Variants in AK8 observed in about 807,000 individuals in gnomAD.
AK8 encodes the protein ATP-AMP transphosphorylase 8.
AK8 carries 44 observed loss-of-function variants against 54.6 expected under a neutral mutation model. The ratio of observed to expected loss-of-function variants is 0.81; its 90% confidence interval spans 0.63 to 1.04. The LOEUF is 1.04. Ranked by LOEUF, AK8 falls within the 50% of genes least tolerant of loss-of-function variation. The probability of loss-of-function intolerance (pLI) is 0.00; values close to 1 mark genes in which losing one functional copy is unlikely to be tolerated. For missense variants in AK8, 555 were observed against 613.6 expected, an observed-to-expected ratio of 0.90 and a Z score of 1.01; for synonymous variants, 239 against 245.6, an observed-to-expected ratio of 0.97 and a Z score of 0.25.
intron 10 of AK8, among the ~76,000 whole-genome samples, chr9:132,797,654 C>A (rs1239944408): frequency 2.0e-5 from 3 of 152,198 alleles, no homozygotes; most frequent in African/African-American, 7.2e-5. Context: ...CCCACAGGTT[C>A]ATTATTCTAT....
chr9:132,752,085 A>G (rs1837954305), intron 11 of AK8, among the ~76,000 whole-genome samples: 1 of 151,606 alleles, frequency 6.6e-6, no homozygotes, highest in Admixed American at 6.6e-5. Context: ...CAAATGATCC[A>G]CGCGCCTCGA....
chr9:132,878,814 G>A, upstream of AK8: 1 of 978,040 alleles, frequency 1.0e-6, no homozygotes, highest in Non-Finnish European at 1.2e-6. This position sits in a 1 kb window ranked among gnomAD's most constrained non-coding sequence, Gnocchi z 4.7. Context: ...TGGCCAAGCC[G>A]CCAAGTGACC....
chr9:132,823,312 TG>T lies in AK8; in HGVS notation c.781del (p.His261IlefsTer43). The T allele has an allele frequency of 6.2e-7, 1 of 1,613,968 alleles. No individual in the cohort carries two copies. Among genetic ancestry groups the T allele is most frequent in the African/African-American group, 1.3e-5 (1 of 75,046 alleles). On this transcript the variant is annotated frameshift_variant, in exon 9 of 13. Coordinates refer to ENST00000298545, the MANE Select transcript of AK8 (RefSeq NM_152572.3). LOFTEE classifies it high-confidence loss of function. ...CGGGGTGAACGGGGCATTAGTACGA[TG>T]GTTGCTTTGGACATAGGTCAGAGCT... ...YQALTYVQSN[H>X]RTNAPFTPRV... is the part of the protein sequence containing the mutation.
At position 132,725,694 on chromosome 9, in the gene AK8, GA is replaced by G; in HGVS notation, c.1433del (p.Ile478ThrfsTer34). 6.4e-7 allele frequency: 1 copy of G among 1,573,554 alleles called. No homozygotes were observed. Among genetic ancestry groups the G allele is most frequent in the Non-Finnish European group, 8.6e-7 (1 of 1,156,336 alleles). ...GCTCCTGGCTCTGAACCCATCAGGG[GA>G]TTTTCTTGGGCAGGGGATTAATGAT... ...SGIINPLPKK[I>X]P On this transcript the variant is annotated frameshift_variant, in exon 13 of 13. Transcript: ENST00000298545. LOFTEE classifies it high-confidence loss of function.
intron 5 of AK8, among the ~76,000 whole-genome samples, chr9:132,852,046 C>A (rs1374728738): frequency 6.6e-6 from 1 of 152,098 alleles, no homozygotes; most frequent in Non-Finnish European, 1.5e-5. Context: ...TCAGCAAAGA[C>A]ACAGAAGGCA....
chr9:132,822,517 A>G (rs1296346711), intron 9 of AK8, among the ~76,000 whole-genome samples: 1 of 151,952 alleles, frequency 6.6e-6, no homozygotes, highest in East Asian at 1.9e-4. Flanking sequence ...GAGGCTACTT[A>G]GGTTTGTGGA....
At chr9:132,769,979 T>C (rs1480450785) in intron 11 of AK8, 2 of 152,180 alleles carry the variant, frequency 1.3e-5, no homozygotes, top group African/African-American at 4.8e-5. Context: ...CCATTAGTCT[T>C]ACAAGGCTAA....
At chr9:132,749,154 G>T (rs375035080) in intron 11 of AK8, among the ~76,000 whole-genome samples, 2 of 152,074 alleles carry the variant, frequency 1.3e-5, no homozygotes, top group African/African-American at 4.8e-5. Flanking sequence ...GATTACCGGC[G>T]TGAGCCACTG....
Position 132,790,695 on chromosome 9 carries a change from A to G in AK8, c.1121+1939T>C, listed in dbSNP as rs751924385. 2.0e-5 allele frequency among the ~76,000 whole-genome samples: 3 copies of G among 152,184 alleles called. No individual in the cohort carries two copies. Among genetic ancestry groups the G allele is most frequent in the Admixed American group, 6.5e-5 (1 of 15,286 alleles). ...CCTGTTCTGAAAGTACCGCCCAACA[A>G]GAGTAAAATGAAAAGTATAAATATT... On this transcript the variant is annotated intron_variant, in intron 11 of 12. Coordinates refer to ENST00000298545, the MANE Select transcript of AK8 (RefSeq NM_152572.3). The surrounding 1 kb of genome is among the most constrained non-coding windows in gnomAD (Gnocchi z 4.1).
intron 11 of AK8, among the ~76,000 whole-genome samples, chr9:132,766,637 GA>G (rs558196057): frequency 8.7e-4 from 128 of 146,590 alleles, no homozygotes; most frequent in African/African-American, 2.7e-3. Context: ...CACAGAAATA[GA>G]AAAAAAAAAC....
At chr9:132,804,373 T>C (rs746123605) in intron 10 of AK8, among the ~76,000 whole-genome samples, 2 of 152,128 alleles carry the variant, frequency 1.3e-5, no homozygotes, top group Non-Finnish European at 2.9e-5. Flanking sequence ...AGGGGGATCC[T>C]GGGGTAGGGA....
chr9:132,820,927 T>C (rs1841568845), intron 9 of AK8, among the ~76,000 whole-genome samples: 1 of 152,180 alleles, frequency 6.6e-6, no homozygotes, highest in African/African-American at 2.4e-5. Context: ...TCTCATGACA[T>C]CTTGTATTTA....
Position 132,828,690 on chromosome 9 carries a change from GCTCACGCGT to G in AK8, c.430_438del (p.Thr144_Glu146del). 6.2e-7 allele frequency: 1 copy of G among 1,612,454 alleles called. No individual in the cohort carries two copies. Among genetic ancestry groups the G allele is most frequent in the Non-Finnish European group, 8.5e-7 (1 of 1,178,930 alleles). ...CCCAGGGTCTGGATCCTCAGAGCCT[GCTCACGCGT>G]CTCAGGGATGCCATCCAGAATCCAG... On this transcript the variant is annotated inframe_deletion, in exon 6 of 13. Coordinates refer to ENST00000298545, the MANE Select transcript of AK8 (RefSeq NM_152572.3).
At chr9:132,735,089 C>T (rs1837034204) in intron 11 of AK8, among the ~76,000 whole-genome samples, 1 of 152,176 alleles carries the variant, frequency 6.6e-6, no homozygotes, top group Non-Finnish European at 1.5e-5. Context: ...CAGGGTTGAG[C>T]ACCACTGCCC....
intron 11 of AK8, among the ~76,000 whole-genome samples, chr9:132,789,219 C>CTCCCGGGTT (rs1839843145): frequency 6.6e-6 from 1 of 151,900 alleles, no homozygotes; most frequent in Non-Finnish European, 1.5e-5. Context: ...GGCGTGAACC[C>CTCCCGGGTT]GGGAGGCAGA....
intron 10 of AK8, among the ~76,000 whole-genome samples, chr9:132,797,701 T>C (rs969568313): frequency 2.6e-5 from 4 of 152,164 alleles, no homozygotes; most frequent in African/African-American, 7.2e-5. Context: ...CGTTTTCCAC[T>C]AAAAATGTGA....
intron 11 of AK8, among the ~76,000 whole-genome samples, chr9:132,733,842 G>A (rs1298100001): frequency 6.6e-6 from 1 of 152,158 alleles, no homozygotes; most frequent in African/African-American, 2.4e-5. Flanking sequence ...CCTGGTGTGG[G>A]TGAGGGTAGT....
intron 9 of AK8, among the ~76,000 whole-genome samples, chr9:132,815,378 A>T (rs2131263279): frequency 6.6e-6 from 1 of 152,192 alleles, no homozygotes; most frequent in East Asian, 1.9e-4. Context: ...ACATGGTGAA[A>T]ATCCGTTTCT....
intron 4 of AK8, 109 bp from the exon 5 acceptor site, chr9:132,855,034 AC>A: frequency 1.8e-6 from 2 of 1,136,048 alleles, no homozygotes; most frequent in Non-Finnish European, 2.6e-6. Flanking sequence ...GAAAGCACCG[AC>A]CACCATCGGG....
Sources: allele counts gnomAD v4.1 joint callset (sites outside exome capture counted in the v4.1 genomes callset), GRCh38; gene constraint gnomAD v4.1.1; non-coding constraint Gnocchi (gnomAD v3.1); transcripts MANE v1.5; gene names NCBI Gene and HGNC (gene_info 2026-07-23, HGNC 2026-07-21).